The following IQUB variants were observed in gnomAD, a reference collection of about 807,000 sequenced individuals.
IQUB encodes IQ motif and ubiquitin-like domain-containing protein.
IQUB carries 86 observed loss-of-function variants against 86.4 expected under a neutral mutation model. The observed-to-expected ratio is 1.00, with a 90% CI of 0.84 to 1.19. The LOEUF (loss-of-function observed/expected upper bound fraction) is 1.19. Ranked by LOEUF, IQUB falls within the 50% of genes most tolerant of loss-of-function variation. The pLI is 0.00. For missense variants in IQUB, 946 were observed against 916.9 expected (o/e 1.03, Z -0.41); for synonymous variants, 289 against 304.5 (o/e 0.95, Z 0.53).
At chr7:123,522,108 CA>C (rs1796933479) in intron 1 of IQUB, among the ~76,000 whole-genome samples, 1 of 152,032 alleles carries the variant, frequency 6.6e-6, no homozygotes, top group South Asian at 2.1e-4. Context: ...TTACCCAGAC[CA>C]TTTCTCAGGG....
At chr7:123,529,993 A>T (rs1797452720) in intron 1 of IQUB, among the ~76,000 whole-genome samples, 1 of 152,006 alleles carries the variant, frequency 6.6e-6, no homozygotes, top group South Asian at 2.1e-4. Flanking sequence ...AGATTGCACC[A>T]CTGCACTCCA....
chr7:123,473,823 G>T (rs1794644153), intron 8 of IQUB, among the ~76,000 whole-genome samples: 2 of 151,348 alleles, frequency 1.3e-5, no homozygotes, highest in Non-Finnish European at 2.9e-5. Flanking sequence ...CTGACCTCGC[G>T]ATCCACCTGC....
chr7:123,471,128 G>A (rs186971944), intron 8 of IQUB, among the ~76,000 whole-genome samples: 2 of 151,942 alleles, frequency 1.3e-5, no homozygotes, highest in East Asian at 3.9e-4. Flanking sequence ...AGAAGCTGCA[G>A]CCCTATAATT....
At chr7:123,470,764 T>C (rs1168980059) in intron 8 of IQUB, among the ~76,000 whole-genome samples, 1 of 150,714 alleles carries the variant, frequency 6.6e-6, no homozygotes, top group South Asian at 2.1e-4. Flanking sequence ...GGCAGGAGAA[T>C]GGCATGAACC....
chr7:123,525,209 G>A (rs1435853475), intron 1 of IQUB, among the ~76,000 whole-genome samples: 2 of 152,182 alleles, frequency 1.3e-5, no homozygotes, highest in South Asian at 2.1e-4. Context: ...GATGATGCTG[G>A]CCTCATAAAA....
At chr7:123,454,039 A>G (rs1793574465) in intron 12 of IQUB, among the ~76,000 whole-genome samples, 1 of 152,162 alleles carries the variant, frequency 6.6e-6, no homozygotes, top group Non-Finnish European at 1.5e-5. Context: ...CAAATCAAAG[A>G]TAAAAGAAAG....
Position 123,529,724 on chromosome 7 carries a change from T to TAAA in IQUB, c.-5+4765_-5+4767dup, listed in dbSNP as rs753026777. ...AACATAGTGAAACCCTGTCTCTACT[T>TAAA]AAAAAAAAAAAAAAAAAAAAAAAAA... On this transcript the variant is annotated intron_variant, in intron 1 of 12. Transcript: ENST00000324698. 4.5e-4 allele frequency among the ~76,000 whole-genome samples: 16 copies of TAAA among 35,822 alleles called. 3 individuals carry two copies. Among genetic ancestry groups the TAAA allele is most frequent in the African/African-American group, 7.6e-4 (6 of 7,924 alleles). The allele number at this position is 35,822 out of a possible 152,430, so 23.5% of individuals were successfully genotyped here. A position where few individuals can be genotyped will look rare whatever the true frequency, so the allele number is the denominator to read the frequency against.
chr7:123,514,639 T>G (rs984991120), intron 1 of IQUB, among the ~76,000 whole-genome samples: 2 of 152,222 alleles, frequency 1.3e-5, no homozygotes, highest in Non-Finnish European at 2.9e-5. Flanking sequence ...AGTGCAGTTT[T>G]GTTACATTAA....
intron 8 of IQUB, among the ~76,000 whole-genome samples, chr7:123,470,546 A>G (rs934188650): frequency 6.6e-6 from 1 of 152,144 alleles, no homozygotes; most frequent in African/African-American, 2.4e-5. Flanking sequence ...ACATTATATA[A>G]AACTGTATTT....
intron 1 of IQUB, among the ~76,000 whole-genome samples, chr7:123,525,170 G>A (rs1172879097): frequency 2.0e-5 from 3 of 152,096 alleles, no homozygotes; most frequent in African/African-American, 7.2e-5. Flanking sequence ...CTCTTTTTTG[G>A]TTGTGTCTCT....
intron 1 of IQUB, among the ~76,000 whole-genome samples, chr7:123,527,697 G>A (rs1797312129): frequency 6.6e-6 from 1 of 152,152 alleles, no homozygotes; most frequent in African/African-American, 2.4e-5. Flanking sequence ...TGCGTGCTGG[G>A]AGAACCACTG....
rs1796440011 is a variant in IQUB, at chr7:123,512,056, A to G, written c.285T>C (p.His95=). 5 of 1,614,004 alleles carry G rather than the reference A, an allele frequency of 3.1e-6. No homozygotes were observed. The highest frequency in any genetic ancestry group is 4.2e-6 in the Non-Finnish European group (5 of 1,179,902). Reference sequence around the variant, plus strand: ...GCCTCTGCATTGCATATTGCTTTTCATGATGTTGCGGAGTATATGAAACTT... The same window carrying G: ...GCCTCTGCATTGCATATTGCTTTTCGTGATGTTGCGGAGTATATGAAACTT... ...PRQVSYTPQH[H]EKQYAMQRPN... is the part of the protein sequence containing the mutation. The change falls in exon 2 of 13, where the codon CAT becomes CAC. Residue 95 remains histidine, a synonymous_variant. Transcript: ENST00000324698.
intron 7 of IQUB, among the ~76,000 whole-genome samples, chr7:123,483,157 G>A (rs1200499837): frequency 2.0e-5 from 3 of 152,024 alleles, no homozygotes; most frequent in African/African-American, 7.2e-5. Flanking sequence ...CCACAAGCAG[G>A]ATGCTCGTGG....
intron 7 of IQUB, among the ~76,000 whole-genome samples, chr7:123,493,570 G>A (rs1795566751): frequency 1.3e-5 from 2 of 152,138 alleles, no homozygotes; most frequent in African/African-American, 4.8e-5. Context: ...CAATGTTGGA[G>A]TGGATGACAG....
intron 11 of IQUB, 125 bp downstream of exon 11, chr7:123,461,232 G>A: frequency 1.0e-6 from 1 of 972,946 alleles, no homozygotes; most frequent in South Asian, 1.7e-5. Context: ...CCCTCACAGA[G>A]CTTACAGTCT....
chr7:123,498,123 G>C (rs1464479604), intron 6 of IQUB, among the ~76,000 whole-genome samples: 1 of 150,800 alleles, frequency 6.6e-6, no homozygotes, highest in African/African-American at 2.4e-5. Flanking sequence ...CCATAATCAA[G>C]CTTTACATTT....
intron 1 of IQUB, among the ~76,000 whole-genome samples, chr7:123,527,999 G>T (rs927268944): frequency 1.2e-4 from 18 of 152,238 alleles, no homozygotes; most frequent in Non-Finnish European, 2.1e-4. Context: ...CGAGCCGGGT[G>T]GGGGATATAA....
At chr7:123,469,463 C>G (rs1794428969) in intron 8 of IQUB, 79 bp from the exon 9 acceptor site, 1 of 729,974 alleles carries the variant, frequency 1.4e-6, no homozygotes, top group Non-Finnish European at 2.1e-6. Flanking sequence ...TACTAAAAGT[C>G]TACCTTAATA....
chr7:123,471,312 TG>T (rs1363024231), intron 8 of IQUB, among the ~76,000 whole-genome samples: 3 of 152,206 alleles, frequency 2.0e-5, no homozygotes, highest in Non-Finnish European at 4.4e-5. Flanking sequence ...AGCCTTATTT[TG>T]GGTAGGCCTC....
Sources: gnomAD v4.1 joint callset for allele counts (sites outside exome capture counted in the v4.1 genomes callset) on GRCh38, gnomAD v4.1.1 for gene constraint, MANE v1.5 for transcripts, NCBI Gene and HGNC (gene_info 2026-07-23, HGNC 2026-07-21) for gene names.